Variants in GABRG3 observed in about 807,000 individuals in gnomAD.
GABRG3 encodes the protein gamma-aminobutyric acid type A receptor subunit gamma3, also known as gamma-aminobutyric acid receptor subunit gamma-3.
In GABRG3, 25 loss-of-function variants were observed where a neutral mutation model predicts 48.8. That is an observed-to-expected ratio of 0.51 (90% CI 0.37 to 0.72). The LOEUF (loss-of-function observed/expected upper bound fraction) is 0.72. GABRG3 is among the 30% of genes least tolerant of loss of function. The pLI, the probability that GABRG3 is intolerant of heterozygous loss-of-function variation, is 0.00. For missense variants in GABRG3, 394 were observed against 577.9 expected, an observed-to-expected ratio of 0.68 and a Z score of 3.26; for synonymous variants, 227 against 217.6, an observed-to-expected ratio of 1.04 and a Z score of -0.38.
intron 3 of GABRG3, among the ~76,000 whole-genome samples, chr15:27,219,353 A>G (rs978222730): frequency 2.0e-5 from 3 of 152,232 alleles, no homozygotes; most frequent in African/African-American, 7.2e-5. Context: ...ATTTGGGCTC[A>G]ATCCCTCCCT....
chr15:27,069,685 C>T (rs1284783596), intron 3 of GABRG3, among the ~76,000 whole-genome samples: 1 of 152,224 alleles, frequency 6.6e-6, no homozygotes, highest in African/African-American at 2.4e-5. Flanking sequence ...CACCTGTATA[C>T]TTTACTGGAT....
intron 5 of GABRG3, among the ~76,000 whole-genome samples, chr15:27,450,182 C>A (rs1231638045): frequency 6.6e-6 from 1 of 152,188 alleles, no homozygotes; most frequent in African/African-American, 2.4e-5. Flanking sequence ...AAAAACCTGT[C>A]TTTTGCAACT....
chr15:27,191,828 C>G (rs959461179), intron 3 of GABRG3, among the ~76,000 whole-genome samples: 3 of 151,890 alleles, frequency 2.0e-5, no homozygotes, highest in African/African-American at 7.3e-5. Context: ...TCTCGATGGT[C>G]TTTACATTTT....
chr15:27,197,532 G>C (rs995075606), intron 3 of GABRG3, among the ~76,000 whole-genome samples: 1 of 151,906 alleles, frequency 6.6e-6, no homozygotes, highest in African/African-American at 2.4e-5. Flanking sequence ...GAGCCCTGGA[G>C]GCAGCGGCCT....
chr15:27,103,563 A>G (rs1443681880), intron 3 of GABRG3, among the ~76,000 whole-genome samples: 1 of 152,226 alleles, frequency 6.6e-6, no homozygotes, highest in African/African-American at 2.4e-5. Context: ...GTTAGGGAGC[A>G]TGGAGAAGAG....
intron 5 of GABRG3, among the ~76,000 whole-genome samples, chr15:27,415,982 C>T (rs548401878): frequency 6.8e-4 from 103 of 152,306 alleles, no homozygotes; most frequent in Non-Finnish European, 1.0e-3. Flanking sequence ...CCATACCCCC[C>T]CTCTTTCTAG....
intron 3 of GABRG3, among the ~76,000 whole-genome samples, chr15:27,307,071 T>G (rs530880260): frequency 5.2e-4 from 67 of 128,102 alleles, no homozygotes; most frequent in Admixed American, 1.7e-3. Context: ...ATGTATAATA[T>G]AAACATGTTT....
intron 6 of GABRG3, among the ~76,000 whole-genome samples, chr15:27,516,370 CACTT>C (rs1409829228): frequency 1.3e-5 from 2 of 152,108 alleles, no homozygotes; most frequent in Non-Finnish European, 1.5e-5. Context: ...AAAATTTGTA[CACTT>C]ACTTCCTTTG....
intron 2 of GABRG3, among the ~76,000 whole-genome samples, chr15:27,023,531 G>A (rs975326768): frequency 6.6e-6 from 1 of 152,164 alleles, no homozygotes; most frequent in Admixed American, 6.5e-5. Flanking sequence ...TTTGAGTGCC[G>A]TAGAAGGCTT....
chr15:27,083,159 G>C (rs1235671604), intron 3 of GABRG3, among the ~76,000 whole-genome samples: 2 of 152,052 alleles, frequency 1.3e-5, no homozygotes, highest in Non-Finnish European at 2.9e-5. Context: ...AATGAGGCAG[G>C]GAAAAATAGA....
intron 5 of GABRG3, among the ~76,000 whole-genome samples, chr15:27,353,365 GCT>G (rs1456471765): frequency 6.6e-6 from 1 of 152,124 alleles, no homozygotes; most frequent in Non-Finnish European, 1.5e-5. Context: ...CCCTGCAGCA[GCT>G]CTTCTCTTAC....
intron 3 of GABRG3, among the ~76,000 whole-genome samples, chr15:27,310,809 A>G (rs2140506721): frequency 6.6e-6 from 1 of 152,230 alleles, no homozygotes; most frequent in East Asian, 1.9e-4. Context: ...TAGAGTCTAG[A>G]ACAAAGCCAA....
At position 27,409,287 on chromosome 15, in the gene GABRG3, A is replaced by G. The variant is rs1887728901; in HGVS notation, c.575-71363A>G. Among the ~76,000 whole-genome samples, 4 of 152,196 alleles carry G rather than the reference A, an allele frequency of 2.6e-5. No homozygotes were observed. The South Asian group carries it at 8.3e-4, about 32-fold the overall frequency. On this transcript the variant is annotated intron_variant, in intron 5 of 9. Coordinates refer to ENST00000615808, the MANE Select transcript of GABRG3 (RefSeq NM_033223.5). ...TTTTTGTGCATGGCATGCAATATAG[A>G]TTAAGGTTTGGTGCGGGGGCTATGA...
At chr15:27,003,549 A>C (rs1895502326) in intron 2 of GABRG3, among the ~76,000 whole-genome samples, 4 of 152,348 alleles carry the variant, frequency 2.6e-5, no homozygotes, top group Admixed American at 2.0e-4. Context: ...GTAAGGTCAC[A>C]GATCAACAGG....
chr15:26,997,487 A>G (rs1039878945), intron 2 of GABRG3, among the ~76,000 whole-genome samples: 8 of 152,268 alleles, frequency 5.3e-5, no homozygotes, highest in Admixed American at 1.3e-4. Context: ...CAACATTTAC[A>G]TTGATTTTGT....
At chr15:27,363,195 T>C (rs142461391) in intron 5 of GABRG3, 8 of 152,248 alleles carry the variant, frequency 5.3e-5, no homozygotes, top group African/African-American at 1.9e-4. Flanking sequence ...CTCTGTCATA[T>C]AGGAGTCTGC....
intron 5 of GABRG3, among the ~76,000 whole-genome samples, chr15:27,454,342 C>T (rs72707641): frequency 0.015 from 2,223 of 152,306 alleles, 40 homozygotes; most frequent in South Asian, 0.086. Context: ...CATAAGCCCA[C>T]GCCTTATCTA....
At chr15:27,465,544 C>G (rs1162963699) in intron 5 of GABRG3, among the ~76,000 whole-genome samples, 1 of 152,200 alleles carries the variant, frequency 6.6e-6, no homozygotes, top group Non-Finnish European at 1.5e-5. Flanking sequence ...ACCGAATTCC[C>G]TATTTCTGCC....
intron 3 of GABRG3, among the ~76,000 whole-genome samples, chr15:27,096,255 T>C (rs74460554): frequency 0.034 from 5,113 of 152,326 alleles, 109 homozygotes; most frequent in East Asian, 0.096. Flanking sequence ...GGCTCAGCGC[T>C]GCTGAGGATT....
Sources: gnomAD v4.1 joint callset for allele counts (sites outside exome capture counted in the v4.1 genomes callset) on GRCh38, gnomAD v4.1.1 for gene constraint, MANE v1.5 for transcripts, NCBI Gene and HGNC (gene_info 2026-07-23, HGNC 2026-07-21) for gene names.